The following SULF1 variants were observed in gnomAD, a reference collection of about 807,000 sequenced individuals.
SULF1 encodes extracellular sulfatase Sulf-1.
In SULF1, 46 loss-of-function variants were observed where a neutral mutation model predicts 110.5. The observed-to-expected ratio is 0.42, with a 90% CI of 0.33 to 0.53. The LOEUF is 0.53. SULF1 is among the 20% of genes least tolerant of loss of function. The pLI is 0.12. For synonymous variants in SULF1, 371 were observed against 387.1 expected (o/e 0.96, Z 0.49); for missense variants, 941 against 1,094.2 (o/e 0.86, Z 1.98).
chr8:69,591,846 G>A (rs1338247151), intron 8 of SULF1, among the ~76,000 whole-genome samples: 1 of 152,150 alleles, frequency 6.6e-6, no homozygotes, highest in Non-Finnish European at 1.5e-5. Context: ...TGTATTGTCT[G>A]TGGCTGCTTT....
intron 1 of SULF1, among the ~76,000 whole-genome samples, chr8:69,468,963 C>G (rs1563450977): frequency 6.6e-6 from 1 of 152,032 alleles, no homozygotes; most frequent in African/African-American, 2.4e-5. Context: ...TGGGACAATT[C>G]CCCTGAAAAA....
At chr8:69,478,782 T>A (rs192281883) in intron 1 of SULF1, among the ~76,000 whole-genome samples, 185 of 152,338 alleles carry the variant, frequency 1.2e-3, no homozygotes, top group Middle Eastern at 3.4e-3. Context: ...CTCTCTCTTA[T>A]ATTTTGAGAA....
At chr8:69,476,473 G>A (rs953049850) in intron 1 of SULF1, among the ~76,000 whole-genome samples, 1 of 152,198 alleles carries the variant, frequency 6.6e-6, no homozygotes, top group African/African-American at 2.4e-5. Flanking sequence ...TATGTTGGAG[G>A]CAGCATGACT....
At chr8:69,567,845 C>G (rs547587749) in intron 5 of SULF1, among the ~76,000 whole-genome samples, 7 of 152,196 alleles carry the variant, frequency 4.6e-5, no homozygotes, top group Admixed American at 1.3e-4. Context: ...TATTTTGGAG[C>G]TATACCCAGA....
intron 3 of SULF1, among the ~76,000 whole-genome samples, chr8:69,522,350 C>A (rs550901989): frequency 6.6e-6 from 1 of 152,062 alleles, no homozygotes; most frequent in Non-Finnish European, 1.5e-5. Context: ...CAGCCAAAGA[C>A]GAATTCAAGA....
chr8:69,553,879 TG>T (rs1563524581), intron 3 of SULF1, among the ~76,000 whole-genome samples: 2 of 152,242 alleles, frequency 1.3e-5, no homozygotes, highest in Admixed American at 1.3e-4. Context: ...CTTTTCTTTT[TG>T]AAGACTGAGA....
At chr8:69,526,809 G>GGAAGGAAT (rs1812710781) in intron 3 of SULF1, among the ~76,000 whole-genome samples, 1 of 138,130 alleles carries the variant, frequency 7.2e-6, no homozygotes, top group South Asian at 2.4e-4. Context: ...AAGGAAGGAA[G>GGAAGGAAT]GAAGGAAGGA....
intron 13 of SULF1, among the ~76,000 whole-genome samples, chr8:69,613,419 C>T (rs1207841373): frequency 6.9e-6 from 1 of 145,904 alleles, no homozygotes; most frequent in Non-Finnish European, 1.5e-5. Context: ...CAGAGAACAA[C>T]ATCCTTAACC....
At chr8:69,583,218 TC>T (rs1293987855) in intron 6 of SULF1, among the ~76,000 whole-genome samples, 19 of 152,228 alleles carry the variant, frequency 1.2e-4, no homozygotes, top group African/African-American at 4.3e-4. Flanking sequence ...TTTTAGAAAC[TC>T]TAAAGCTCTA....
chr8:69,490,362 A>G (rs1809886028), upstream of SULF1, among the ~76,000 whole-genome samples: 1 of 152,024 alleles, frequency 6.6e-6, no homozygotes, highest in South Asian at 2.1e-4. Flanking sequence ...TTGGCCTCCA[A>G]AGCACTGGCA....
intron 3 of SULF1, among the ~76,000 whole-genome samples, chr8:69,505,464 A>G (rs1245935518): frequency 6.6e-6 from 1 of 152,172 alleles, no homozygotes; most frequent in Non-Finnish European, 1.5e-5. Flanking sequence ...TAGCCTTGTT[A>G]ATACCTATTT....
chr8:69,599,141 T>A (rs1213250654), intron 8 of SULF1, among the ~76,000 whole-genome samples: 5 of 152,238 alleles, frequency 3.3e-5, no homozygotes, highest in African/African-American at 1.2e-4. Flanking sequence ...AGTGGAGGAC[T>A]CGGTCAAGAC....
In SULF1 at chr8:69,600,545, T is replaced by C. The variant is rs1025869010; in HGVS notation, c.735-58T>C. On this transcript the variant is annotated intron_variant, in intron 8 of 22. Coordinates refer to ENST00000402687, the MANE Select transcript of SULF1 (RefSeq NM_001128205.2). ...ATGATTATTTCACAACCTCGAGATA[T>C]TTTCCTAAAAGACTAAGTAAGAAAT... The C allele has an allele frequency of 3.4e-6, 5 of 1,489,398 alleles. No individual in the cohort carries two copies. The African/African-American group carries it at 7.0e-5, about 21-fold the overall frequency. The allele number at this position is 1,489,398 out of a possible 1,614,324, so 92.3% of individuals were successfully genotyped here. A position where few individuals can be genotyped will look rare whatever the true frequency, so the allele number is the denominator to read the frequency against.
chr8:69,579,714 A>G (rs1475685533), intron 6 of SULF1, among the ~76,000 whole-genome samples: 4 of 152,350 alleles, frequency 2.6e-5, no homozygotes, highest in African/African-American at 4.8e-5. Context: ...ACCATGGACA[A>G]CAACCCATTT....
intron 13 of SULF1, among the ~76,000 whole-genome samples, chr8:69,619,078 A>G (rs1476487775): frequency 6.6e-6 from 1 of 152,128 alleles, no homozygotes; most frequent in East Asian, 1.9e-4. Flanking sequence ...TTATTTATTT[A>G]TTTGAATATA....
intron 8 of SULF1, among the ~76,000 whole-genome samples, chr8:69,590,628 C>T (rs539974540): frequency 3.3e-4 from 51 of 152,280 alleles, no homozygotes; most frequent in African/African-American, 1.1e-3. Context: ...GGGTGGGTTA[C>T]CTACTGAGCA....
In SULF1 at chr8:69,629,579, G is replaced by A. The variant is rs1395473036; in HGVS notation, c.2184G>A (p.Lys728=). Reference sequence around the variant, plus strand: ...ACCGTAGGAGGAAGAAGGAGAGGAAGGAGAAGAGACGGCAGAGGAAGGGGG... The same window carrying A: ...ACCGTAGGAGGAAGAAGGAGAGGAAAGAGAAGAGACGGCAGAGGAAGGGGG... ...ENNRRRKKER[K]EKRRQRKGEE... is the part of the protein sequence containing the mutation. The change falls in exon 19 of 23, where the codon AAG becomes AAA. Residue 728 remains lysine (K), a synonymous_variant. Transcript: ENST00000402687. 8.1e-6 allele frequency: 13 copies of A among 1,613,948 alleles called. 1 individual carries two copies. The African/African-American group carries it at 1.6e-4, about 20-fold the overall frequency.
intron 6 of SULF1, among the ~76,000 whole-genome samples, chr8:69,577,006 C>T (rs1805655324): frequency 6.6e-6 from 1 of 152,204 alleles, no homozygotes; most frequent in South Asian, 2.1e-4. Context: ...TAATCTTTCC[C>T]ACTGGACTCA....
At chr8:69,552,608 A>T (rs1015616605) in intron 3 of SULF1, among the ~76,000 whole-genome samples, 1 of 152,240 alleles carries the variant, frequency 6.6e-6, no homozygotes, top group Non-Finnish European at 1.5e-5. Context: ...CCAGATGGGC[A>T]TTAAATATGC....
Sources: allele counts gnomAD v4.1 joint callset (sites outside exome capture counted in the v4.1 genomes callset), GRCh38; gene constraint gnomAD v4.1.1; transcripts MANE v1.5; gene names NCBI Gene and HGNC (gene_info 2026-07-23, HGNC 2026-07-21).